Variants in ITGBL1 observed in about 807,000 individuals in gnomAD.
ITGBL1 encodes the protein integrin subunit beta like 1.
Under a neutral mutation model 68.5 loss-of-function variants are expected in ITGBL1, and 51 were observed. The ratio of observed to expected loss-of-function variants is 0.74; its 90% CI spans 0.59 to 0.94. The LOEUF is 0.94. Among genes scored for constraint, ITGBL1 ranks in the 40% least tolerant of loss-of-function variants. ITGBL1 has a pLI of 0.00. For missense variants in ITGBL1, 649 were observed against 647.4 expected (o/e 1.00, Z -0.03); for synonymous variants, 209 against 227.3 (o/e 0.92, Z 0.72).
intron 2 of ITGBL1, among the ~76,000 whole-genome samples, chr13:101,533,457 C>T (rs969568480): frequency 6.6e-6 from 1 of 152,216 alleles, no homozygotes; most frequent in Non-Finnish European, 1.5e-5. Context: ...TAGAAGCAGA[C>T]TTAAAACTGT....
chr13:101,625,558 A>ATT lies in ITGBL1; in HGVS notation c.1015+27269_1015+27270dup, dbSNP rs35177518. Among the ~76,000 whole-genome samples, 372 of 149,734 alleles carry ATT rather than the reference A, an allele frequency of 2.5e-3. 4 individuals carry two copies. The highest frequency in any genetic ancestry group is 7.0e-3 in the African/African-American group (288 of 40,888). On this transcript the variant is annotated intron_variant, in intron 7 of 10. Coordinates refer to ENST00000376180, the MANE Select transcript of ITGBL1 (RefSeq NM_004791.3). ...TTATTTCTAATAATAGTAATGGCTA[A>ATT]TTTTTTTTTTTGAGATGAAGTTTCA...
intron 7 of ITGBL1, 51 bp downstream of exon 7, chr13:101,598,350 T>A: frequency 2.9e-6 from 4 of 1,360,350 alleles, no homozygotes; most frequent in Non-Finnish European, 3.9e-6. Context: ...ACAATTCAAA[T>A]GAATTCAATG....
intron 4 of ITGBL1, among the ~76,000 whole-genome samples, chr13:101,576,494 A>G (rs1243360757): frequency 6.6e-6 from 1 of 152,174 alleles, no homozygotes; most frequent in Middle Eastern, 3.2e-3. Flanking sequence ...TCTGCTCTGA[A>G]CTTATATTTC....
intron 3 of ITGBL1, among the ~76,000 whole-genome samples, chr13:101,570,008 C>T (rs547567708): frequency 6.6e-6 from 1 of 152,260 alleles, no homozygotes; most frequent in Admixed American, 6.5e-5. Flanking sequence ...AATCACCTGA[C>T]ACAGTATTGA....
intron 2 of ITGBL1, among the ~76,000 whole-genome samples, chr13:101,469,606 C>T (rs1351082802): frequency 6.6e-6 from 1 of 152,124 alleles, no homozygotes; most frequent in African/African-American, 2.4e-5. Context: ...TTGCTTGAAA[C>T]CGGGAGGTGG....
intron 7 of ITGBL1, among the ~76,000 whole-genome samples, chr13:101,659,039 ATTTTTTT>A (rs55935871): frequency 2.9e-5 from 3 of 103,848 alleles, no homozygotes; most frequent in Non-Finnish European, 5.5e-5. Flanking sequence ...TGGTGATTGA[ATTTTTTT>A]TTTTTTTTTT....
intron 7 of ITGBL1, among the ~76,000 whole-genome samples, chr13:101,685,467 C>T (rs1566790231): frequency 6.6e-6 from 1 of 152,026 alleles, no homozygotes; most frequent in Non-Finnish European, 1.5e-5. Flanking sequence ...GACAGACCAT[C>T]TGCTAATAAT....
At chr13:101,453,494 T>A (rs2139605587) in intron 1 of ITGBL1, among the ~76,000 whole-genome samples, 1 of 152,364 alleles carries the variant, frequency 6.6e-6, no homozygotes, top group South Asian at 2.1e-4. Context: ...GGACGTTTTT[T>A]AAAGGAGAAC....
Position 101,579,278 on chromosome 13 carries a change from T to G in ITGBL1, c.587-9T>G, listed in dbSNP as rs767218124. On this transcript the variant is annotated splice_polypyrimidine_tract_variant and intron_variant, in intron 4 of 10. Coordinates refer to ENST00000376180, the MANE Select transcript of ITGBL1 (RefSeq NM_004791.3). Reference sequence around the variant, plus strand: ...TTTCCTCACTGTATAAAATTCATTTTGGGTAAAGGCCATGGGAAGTGTTAC... The same window carrying G: ...TTTCCTCACTGTATAAAATTCATTTGGGGTAAAGGCCATGGGAAGTGTTAC... 3.1e-6 allele frequency: 5 copies of G among 1,611,190 alleles called. No individual in the cohort carries two copies. Among genetic ancestry groups the G allele is most frequent in the Non-Finnish European group, 4.2e-6 (5 of 1,178,366 alleles).
intron 2 of ITGBL1, among the ~76,000 whole-genome samples, chr13:101,485,354 G>A (rs12876937): frequency 0.24 from 36,600 of 151,948 alleles, 4,906 homozygotes; most frequent in East Asian, 0.48. Context: ...TTAAAGAGAA[G>A]TTTGCATCAA....
chr13:101,529,216 G>A (rs527491810), intron 2 of ITGBL1, among the ~76,000 whole-genome samples: 71 of 151,640 alleles, frequency 4.7e-4, no homozygotes, highest in African/African-American at 1.5e-3. Context: ...AAATTGAAAC[G>A]TGGAATATGA....
chr13:101,598,061 C>T (rs887917213), intron 6 of ITGBL1, 92 bp from the exon 7 acceptor site: 10 of 1,188,852 alleles, frequency 8.4e-6, no homozygotes, highest in Non-Finnish European at 1.1e-5. Flanking sequence ...AAGATCCTGA[C>T]TCATTTGTGA....
At chr13:101,600,423 G>T (rs199966641) in intron 7 of ITGBL1, among the ~76,000 whole-genome samples, 32 of 143,936 alleles carry the variant, frequency 2.2e-4, no homozygotes, top group South Asian at 9.0e-4. Context: ...ATTGAATGCC[G>T]TTTATTCCCT....
intron 7 of ITGBL1, among the ~76,000 whole-genome samples, chr13:101,658,551 CATGCATGTGT>C (rs1188900723): frequency 6.6e-6 from 1 of 152,016 alleles, no homozygotes; most frequent in Non-Finnish European, 1.5e-5. Flanking sequence ...AGTGCATATA[CATGCATGTGT>C]ATGCATGTAT....
chr13:101,475,251 TAAAA>T (rs547216868), intron 2 of ITGBL1, among the ~76,000 whole-genome samples: 1 of 151,946 alleles, frequency 6.6e-6, no homozygotes, highest in South Asian at 2.1e-4. Flanking sequence ...TTGAAATAAT[TAAAA>T]AAAGCAGAAA....
At chr13:101,642,723 C>T (rs934137311) in intron 7 of ITGBL1, among the ~76,000 whole-genome samples, 5 of 151,572 alleles carry the variant, frequency 3.3e-5, no homozygotes, top group African/African-American at 9.8e-5. Context: ...TTTAATCCAT[C>T]TTGAATTAAT....
At chr13:101,519,680 C>T (rs2049253370) in intron 2 of ITGBL1, among the ~76,000 whole-genome samples, 1 of 152,072 alleles carries the variant, frequency 6.6e-6, no homozygotes, top group Non-Finnish European at 1.5e-5. Context: ...CTACTTATAT[C>T]ATTATTTTTA....
chr13:101,503,088 A>C (rs975108768), intron 2 of ITGBL1, among the ~76,000 whole-genome samples: 5 of 152,222 alleles, frequency 3.3e-5, no homozygotes, highest in African/African-American at 1.2e-4. Flanking sequence ...GCTGTGTTCC[A>C]CCAGCCAGAT....
chr13:101,639,789 C>A (rs565291598), intron 7 of ITGBL1, among the ~76,000 whole-genome samples: 4 of 152,240 alleles, frequency 2.6e-5, no homozygotes, highest in Admixed American at 2.0e-4. Flanking sequence ...TGCTTTAATG[C>A]AATTTCGGTT....
Sources: allele counts gnomAD v4.1 joint callset (sites outside exome capture counted in the v4.1 genomes callset), GRCh38; gene constraint gnomAD v4.1.1; transcripts MANE v1.5; gene names NCBI Gene and HGNC (gene_info 2026-07-23, HGNC 2026-07-21).